The following HS3ST4 variants were observed in gnomAD, a reference collection of about 807,000 sequenced individuals.
The protein encoded by HS3ST4 is heparan sulfate-glucosamine 3-sulfotransferase 4, also known as heparan sulfate glucosamine 3-O-sulfotransferase 4.
A neutral mutation model predicts 29.2 loss-of-function variants in HS3ST4; 17 were observed. The ratio of observed to expected loss-of-function variants is 0.58; its 90% CI spans 0.40 to 0.87. HS3ST4 has a LOEUF of 0.87. Ranked by LOEUF, HS3ST4 falls within the 40% of genes least tolerant of loss-of-function variation. The pLI, the probability that HS3ST4 is intolerant of heterozygous loss-of-function variation, is 0.00. For missense variants in HS3ST4, 627 were observed against 634.5 expected, an observed-to-expected ratio of 0.99 and a Z score of 0.13; for synonymous variants, 314 against 285.7, an observed-to-expected ratio of 1.10 and a Z score of -1.00.
chr16:25,789,443 CTTCCTTCCTTCCTTCCTTCCTTCCTTCT>C (rs1567240200), intron 1 of HS3ST4, among the ~76,000 whole-genome samples: 1 of 49,258 alleles, frequency 2.0e-5, no homozygotes, highest in Non-Finnish European at 3.9e-5. Flanking sequence ...TCCTTCCTTC[CTTCCTTCCTTCCTTCCTTCCTTCCTTCT>C]TTCTTTCTTT....
At chr16:26,021,157 A>G (rs576600118) in intron 1 of HS3ST4, among the ~76,000 whole-genome samples, 8 of 152,344 alleles carry the variant, frequency 5.3e-5, no homozygotes, top group South Asian at 2.1e-4. Context: ...GAGTTGCACC[A>G]TAGTCAGCTA....
intron 1 of HS3ST4, among the ~76,000 whole-genome samples, chr16:25,711,395 G>A (rs1173723538): frequency 6.6e-6 from 1 of 151,932 alleles, no homozygotes; most frequent in Non-Finnish European, 1.5e-5. Context: ...AATCCCTTCC[G>A]CCTGGGCTAT....
intron 1 of HS3ST4, among the ~76,000 whole-genome samples, chr16:25,979,639 G>T (rs4238932): frequency 0.91 from 137,700 of 151,874 alleles, 62,577 homozygotes; most frequent in Admixed American, 0.94. Context: ...ACAGTGAGTT[G>T]TATAATTATT....
intron 1 of HS3ST4, among the ~76,000 whole-genome samples, chr16:25,809,168 T>G (rs532639022): frequency 6.6e-6 from 1 of 152,104 alleles, no homozygotes; most frequent in Non-Finnish European, 1.5e-5. Flanking sequence ...CTTGCCTTGT[T>G]TCTGATATTA....
chr16:26,113,445 C>CA (rs68038070), intron 1 of HS3ST4, among the ~76,000 whole-genome samples: 95,942 of 137,500 alleles, frequency 0.7, 34,106 homozygotes, highest in Non-Finnish European at 0.76. Flanking sequence ...GACTCTGTCT[C>CA]AAAAAAAAGA....
At position 25,806,927 on chromosome 16, in the gene HS3ST4, G is replaced by A. The variant is rs1333776813; in HGVS notation, c.734+113776G>A. 2.6e-5 allele frequency among the ~76,000 whole-genome samples: 4 copies of A among 152,174 alleles called. No individual in the cohort carries two copies. In the East Asian group the frequency reaches 7.7e-4, roughly 29 times the overall value. ...ATAGGTTCATGAATCCATCACCACG[G>A]TCAAGACACAAAACTTTCCATTACC... On this transcript the variant is annotated intron_variant, in intron 1 of 1. Coordinates refer to ENST00000331351, the MANE Select transcript of HS3ST4 (RefSeq NM_006040.3).
intron 1 of HS3ST4, among the ~76,000 whole-genome samples, chr16:25,950,613 A>G (rs1968673723): frequency 6.6e-6 from 1 of 151,950 alleles, no homozygotes; most frequent in South Asian, 2.1e-4. Flanking sequence ...AGTCATTTCA[A>G]ACACCTGAGA....
chr16:26,103,645 A>G (rs1899015822), intron 1 of HS3ST4, among the ~76,000 whole-genome samples: 1 of 152,184 alleles, frequency 6.6e-6, no homozygotes. Flanking sequence ...AATAAATGAG[A>G]TGTTTTGTGT....
At chr16:26,029,352 C>A (rs1464614432) in intron 1 of HS3ST4, among the ~76,000 whole-genome samples, 1 of 152,146 alleles carries the variant, frequency 6.6e-6, no homozygotes, top group Non-Finnish European at 1.5e-5. Flanking sequence ...TCCGCTATTG[C>A]CATCTTAAAA....
intron 1 of HS3ST4, among the ~76,000 whole-genome samples, chr16:25,844,171 C>T (rs1291519176): frequency 6.6e-6 from 1 of 152,208 alleles, no homozygotes; most frequent in East Asian, 1.9e-4. Flanking sequence ...GTTGTCCCCT[C>T]CCTGGTTCAC....
chr16:25,971,867 G>A (rs1302440524), intron 1 of HS3ST4, among the ~76,000 whole-genome samples: 1 of 152,154 alleles, frequency 6.6e-6, no homozygotes, highest in Non-Finnish European at 1.5e-5. Context: ...GGAGGCAGAG[G>A]TTGCAGTGAG....
intron 1 of HS3ST4, among the ~76,000 whole-genome samples, chr16:25,784,721 TA>T (rs1966855844): frequency 6.6e-6 from 1 of 152,190 alleles, no homozygotes. Context: ...GCCATCTCCA[TA>T]ACATAAAAAT....
At chr16:26,021,876 C>A (rs1173398410) in intron 1 of HS3ST4, among the ~76,000 whole-genome samples, 1 of 151,954 alleles carries the variant, frequency 6.6e-6, no homozygotes, top group Non-Finnish European at 1.5e-5. Context: ...GTTGGCCAGG[C>A]TGGTATTGAT....
chr16:25,822,689 G>A (rs1366408841), intron 1 of HS3ST4, among the ~76,000 whole-genome samples: 1 of 152,046 alleles, frequency 6.6e-6, no homozygotes, highest in Non-Finnish European at 1.5e-5. Flanking sequence ...TTCATATTTG[G>A]AGGGTGGGTG....
chr16:26,135,649 A>G lies in HS3ST4; in HGVS notation c.772A>G (p.Met258Val). ...CAAGACTTTGGATGGGCAAATAACC[A>G]TGGAGAAGACTCCAAGTTACTTTGT... ...MPKTLDGQITMEKTPSYFVTN... is the reference protein window; with the variant it reads ...MPKTLDGQITVEKTPSYFVTN... The change falls in exon 2 of 2, where the codon ATG (methionine) becomes GTG (valine). Residue 258 changes from methionine (M) to valine (V), a missense_variant. Met to Val is a conservative substitution (Grantham distance 21, BLOSUM62 1). Around this residue, in one of 2 missense-constraint regions of HS3ST4, gnomAD observed 225 missense variants for 293.7 expected, o/e 0.77. Transcript: ENST00000331351. 6.2e-7 allele frequency: 1 copy of G among 1,612,210 alleles called. No individual in the cohort carries two copies. Among genetic ancestry groups the G allele is most frequent in the Non-Finnish European group, 8.5e-7 (1 of 1,179,172 alleles).
At chr16:25,928,303 T>C (rs1424220133) in intron 1 of HS3ST4, among the ~76,000 whole-genome samples, 1 of 151,836 alleles carries the variant, frequency 6.6e-6, no homozygotes, top group Non-Finnish European at 1.5e-5. Context: ...AGTTCAAGGC[T>C]ACAGTGAGCT....
intron 1 of HS3ST4, among the ~76,000 whole-genome samples, chr16:26,022,903 G>A (rs534143269): frequency 1.3e-5 from 2 of 152,236 alleles, no homozygotes; most frequent in South Asian, 4.1e-4. Flanking sequence ...TTAGCTGGGT[G>A]TGGTGGCGCA....
chr16:25,754,947 A>G (rs562888442), intron 1 of HS3ST4, among the ~76,000 whole-genome samples: 5 of 151,976 alleles, frequency 3.3e-5, no homozygotes, highest in South Asian at 4.2e-4. Flanking sequence ...CTGCCTATCT[A>G]TCTACCCATC....
intron 1 of HS3ST4, among the ~76,000 whole-genome samples, chr16:25,733,658 C>T (rs907303289): frequency 2.0e-5 from 3 of 152,196 alleles, no homozygotes; most frequent in African/African-American, 7.2e-5. Flanking sequence ...GTCCCCTGCC[C>T]TGTCCCAAAT....
Sources: allele counts gnomAD v4.1 joint callset (sites outside exome capture counted in the v4.1 genomes callset), GRCh38; gene constraint gnomAD v4.1.1; regional missense constraint gnomAD v4.1.1; transcripts MANE v1.5; gene names NCBI Gene and HGNC (gene_info 2026-07-23, HGNC 2026-07-21).